The following TOMM34 variants were observed in gnomAD, a reference collection of about 807,000 sequenced individuals.
TOMM34 encodes the protein translocase of outer mitochondrial membrane 34.
A neutral mutation model predicts 37.4 loss-of-function variants in TOMM34; 24 were observed. That is an observed-to-expected ratio of 0.64 (90% confidence interval 0.46 to 0.90). TOMM34 has a LOEUF of 0.90. Ranked by LOEUF, TOMM34 falls within the 40% of genes least tolerant of loss-of-function variation. The pLI is 0.00. For missense variants in TOMM34, 304 were observed against 375.6 expected, an observed-to-expected ratio of 0.81 and a Z score of 1.58; for synonymous variants, 154 against 148.9, an observed-to-expected ratio of 1.03 and a Z score of -0.25.
intron 2 of TOMM34, 30 bp downstream of exon 2, chr20:44,956,356 G>T (rs1321864371): frequency 6.2e-7 from 1 of 1,608,988 alleles, no homozygotes; most frequent in South Asian, 1.1e-5. Flanking sequence ...GAGACCCTCA[G>T]GCATCCCAAA....
intron 4 of TOMM34, among the ~76,000 whole-genome samples, chr20:44,950,970 G>C (rs940729887): frequency 6.6e-6 from 1 of 152,106 alleles, no homozygotes; most frequent in Non-Finnish European, 1.5e-5. Flanking sequence ...TGGCTGCTTG[G>C]ATCTCCTTTC....
rs750118449 is a variant in TOMM34 at position 44,960,347 on chromosome 20, C to G, written c.-14G>C. On this transcript the variant is annotated 5_prime_UTR_variant, in exon 1 of 7. Transcript: ENST00000372813. ...TTTGGGGGCCATCCCGTGGCCAGGCCGGCGAGTTGGGAGCTCCTTCCTTCC... is the reference window on the plus strand; with the variant it reads ...TTTGGGGGCCATCCCGTGGCCAGGCGGGCGAGTTGGGAGCTCCTTCCTTCC... 2 of 1,555,140 alleles carry G rather than the reference C, an allele frequency of 1.3e-6. No homozygotes were observed. Among genetic ancestry groups the G allele is most frequent in the Non-Finnish European group, 1.7e-6 (2 of 1,149,702 alleles).
At chr20:44,958,263 G>A (rs143494142) in intron 1 of TOMM34, 51 of 448,928 alleles carry the variant, frequency 1.1e-4, no homozygotes, top group African/African-American at 8.3e-4. Flanking sequence ...TCAGTATCCT[G>A]TTGCCATGTT....
intron 3 of TOMM34, among the ~76,000 whole-genome samples, chr20:44,953,044 C>T (rs2067039760): frequency 6.6e-6 from 1 of 152,118 alleles, no homozygotes; most frequent in African/African-American, 2.4e-5. Context: ...ACCAATCCAC[C>T]CACCTAAGCT....
At chr20:44,948,603 G>C (rs1470192298) in intron 5 of TOMM34, 127 bp downstream of exon 5, 2 of 1,186,370 alleles carry the variant, frequency 1.7e-6, no homozygotes, top group East Asian at 2.4e-5. Flanking sequence ...CTCACAACGT[G>C]GATGCATGTT....
At chr20:44,945,883 G>A (rs2066976697) in intron 5 of TOMM34, among the ~76,000 whole-genome samples, 1 of 151,780 alleles carries the variant, frequency 6.6e-6, no homozygotes, top group Non-Finnish European at 1.5e-5. Context: ...TTGGAGACAG[G>A]GTCTCACTCT....
chr20:44,954,942 C>T (rs927756218), intron 3 of TOMM34, 126 bp downstream of exon 3: 4 of 1,215,572 alleles, frequency 3.3e-6, no homozygotes, highest in South Asian at 1.7e-5. Flanking sequence ...CCCCTACATG[C>T]CCATCGGGAG....
intron 5 of TOMM34, among the ~76,000 whole-genome samples, chr20:44,945,839 T>A (rs2066976265): frequency 6.6e-6 from 1 of 152,170 alleles, no homozygotes; most frequent in Admixed American, 6.5e-5. Flanking sequence ...TAGCCCGTTT[T>A]AAACTTTGAA....
Position 44,960,291 on chromosome 20 carries a change from C to T in TOMM34, c.43G>A (p.Ala15Thr). The part of the protein sequence containing the change: ...FPDSVEELRA[A>T]GNESFRNGQY... ...CCGTTGCGGAAACTCTCATTGCCGG[C>T]GGCGCGGAGCTCCTCCACAGAGTCT... Residue 15 changes from alanine (A) to threonine (T), a missense_variant, in exon 1 of 7, where the codon GCC (alanine) becomes ACC (threonine). By Grantham distance (58) the Ala-to-Thr change is moderately conservative. Transcript: ENST00000372813. The T allele has an allele frequency of 1.3e-6, 2 of 1,583,572 alleles. No homozygotes were observed. The highest frequency in any genetic ancestry group is 3.5e-5 in the Admixed American group (2 of 56,722).
At chr20:44,947,904 G>A (rs1190276496) in intron 5 of TOMM34, among the ~76,000 whole-genome samples, 1 of 152,210 alleles carries the variant, frequency 6.6e-6, no homozygotes, top group Admixed American at 6.5e-5. Context: ...GGTAGGGAAG[G>A]ATAAACAGAT....
At chr20:44,957,001 T>G (rs2067079674) in intron 1 of TOMM34, among the ~76,000 whole-genome samples, 2 of 152,112 alleles carry the variant, frequency 1.3e-5, no homozygotes, top group South Asian at 4.1e-4. Flanking sequence ...TTTTACCTGG[T>G]CAAGCCAGGG....
In TOMM34 at chr20:44,955,219, C is replaced by A; in HGVS notation, c.229G>T (p.Ala77Ser). The change falls in exon 3 of 7, where the codon GCA becomes TCA. Residue 77 changes from alanine (A) to serine (S), a missense_variant and splice_region_variant. Ala to Ser is a moderately conservative substitution (Grantham distance 99, BLOSUM62 1). Coordinates refer to ENST00000372813, the MANE Select transcript of TOMM34 (RefSeq NM_006809.5). ...CRDCIKDCTS[A>S]LALVPFSIKP... ...ATGCTGAAGGGAACCAAGGCCAGTG[C>A]TCTAGAATAGGAGGCAAAAATGTCA... 1 of 1,613,074 alleles carries A rather than the reference C, an allele frequency of 6.2e-7. No homozygotes were observed. The highest frequency in any genetic ancestry group is 1.1e-5 in the South Asian group (1 of 91,034).
At chr20:44,946,830 A>C (rs940125936) in intron 5 of TOMM34, among the ~76,000 whole-genome samples, 10 of 152,258 alleles carry the variant, frequency 6.6e-5, no homozygotes, top group African/African-American at 2.4e-4. Context: ...TTATAAATCC[A>C]ATGCAATCAC....
Position 44,948,752 on chromosome 20 carries a change from C to T in TOMM34, c.676G>A (p.Glu226Lys), listed in dbSNP as rs370695547. 6.2e-7 allele frequency: 1 copy of T among 1,614,130 alleles called. No individual in the cohort carries two copies. Among genetic ancestry groups the T allele is most frequent in the Non-Finnish European group, 8.5e-7 (1 of 1,179,982 alleles). The change falls in exon 5 of 7, where the codon GAA becomes AAA. Residue 226 changes from glutamate to lysine, a missense_variant. Physicochemically the swap from Glu to Lys is moderately conservative, Grantham distance 56. Coordinates refer to ENST00000372813, the MANE Select transcript of TOMM34 (RefSeq NM_006809.5). ...YSESLLCSNL[E>K]SATYSNRALC... ...TACCTGTTGCTGTACGTGGCAGATTCCAGGTTACTACACAAGAGGCTTTCA... is the reference window on the plus strand; with the variant it reads ...TACCTGTTGCTGTACGTGGCAGATTTCAGGTTACTACACAAGAGGCTTTCA...
chr20:44,960,222 CCCGCAGCGCGCGG>C lies in TOMM34; in HGVS notation c.99_111del (p.Arg34CysfsTer25). Reference sequence around the variant, plus strand: ...GGGGTCGTACCTTGCGCCTGCAGCACCCGCAGCGCGCGGCCGTAGAGCGCGGAGGCCTCGGCGT... The same window carrying C: ...GGGGTCGTACCTTGCGCCTGCAGCACCCGTAGAGCGCGGAGGCCTCGGCGT... On this transcript the variant is annotated frameshift_variant, in exon 1 of 7. Transcript: ENST00000372813. LOFTEE classifies it high-confidence loss of function. The C allele has an allele frequency of 6.4e-7, 1 of 1,560,598 alleles. No individual in the cohort carries two copies. The highest frequency in any genetic ancestry group is 8.7e-7 in the Non-Finnish European group (1 of 1,153,614).
chr20:44,960,164 T>C (rs1447058496), intron 1 of TOMM34, 43 bp downstream of exon 1: 1 of 1,532,704 alleles, frequency 6.5e-7, no homozygotes, highest in Non-Finnish European at 8.8e-7. Context: ...TTGCGGGAGT[T>C]GGAGGAGCAG....
At chr20:44,959,870 G>C (rs1417842920) in intron 1 of TOMM34, 4 of 963,712 alleles carry the variant, frequency 4.2e-6, no homozygotes, top group Non-Finnish European at 4.9e-6. Context: ...CGCTGTCCTT[G>C]AGAGAAGGGA....
intron 1 of TOMM34, among the ~76,000 whole-genome samples, chr20:44,956,873 G>GAAAAAAAA (rs201381449): frequency 1.8e-5 from 1 of 54,462 alleles, no homozygotes. Context: ...AAGAAAGAAA[G>GAAAAAAAA]AAAAAAAAAA....
At chr20:44,949,450 G>T (rs907535361) in intron 4 of TOMM34, among the ~76,000 whole-genome samples, 2 of 152,194 alleles carry the variant, frequency 1.3e-5, no homozygotes, top group African/African-American at 4.8e-5. Flanking sequence ...CTGAGCCTGT[G>T]AGTATCCTCC....
Sources: allele counts gnomAD v4.1 joint callset (sites outside exome capture counted in the v4.1 genomes callset), GRCh38; gene constraint gnomAD v4.1.1; transcripts MANE v1.5; gene names NCBI Gene and HGNC (gene_info 2026-07-23, HGNC 2026-07-21).